Variants in OR8B2 observed in about 807,000 individuals in gnomAD.
OR8B2 encodes the protein olfactory receptor 8B2.
For synonymous variants in OR8B2, 98 were observed against 138.2 expected (o/e 0.71, Z 2.04); for missense variants, 304 against 379.6 (o/e 0.80, Z 1.65).
Position 124,383,216 on chromosome 11 carries a change from A to C in OR8B2, c.128T>G (p.Leu43Arg). The part of the protein sequence containing the change: ...VIYIVTMVGN[L>R]GLITLFGLNS... ...TAGACCGAAAAGAGTGATCAAGCCA[A>C]GGTTGCCTACCATGGTGACAATGTA... is the stretch of plus-strand genomic sequence containing the variant. Residue 43 changes from leucine (L) to arginine (R), a missense_variant, in exon 2 of 2, where the codon CTT becomes CGT. Coordinates refer to ENST00000641451, the MANE Select transcript of OR8B2 (RefSeq NM_001005468.2). 6.2e-7 allele frequency: 1 copy of C among 1,614,000 alleles called. No individual in the cohort carries two copies. The highest frequency in any genetic ancestry group is 1.1e-5 in the South Asian group (1 of 91,070).
At chr11:124,386,946 C>T (rs1482507119), upstream of OR8B2, among the ~76,000 whole-genome samples, 31 of 152,286 alleles carry the variant, frequency 2.0e-4, no homozygotes, top group Non-Finnish European at 4.1e-4. Flanking sequence ...TAATGATTGC[C>T]GTTTTAACTG....
the OR8B2 span, among the ~76,000 whole-genome samples, chr11:124,391,000 T>C: frequency 6.6e-6 from 1 of 152,172 alleles, no homozygotes; most frequent in South Asian, 2.1e-4. Flanking sequence ...GCCTTTTCTT[T>C]CTCAATGGAA....
the OR8B2 span, among the ~76,000 whole-genome samples, chr11:124,393,503 C>T: frequency 8.2e-6 from 1 of 121,564 alleles, no homozygotes; most frequent in Non-Finnish European, 1.6e-5. Context: ...CCAAAAAACA[C>T]ATGAAAAAAC....
At chr11:124,388,828 T>C (rs1860739660), upstream of OR8B2, among the ~76,000 whole-genome samples, 1 of 119,518 alleles carries the variant, frequency 8.4e-6, no homozygotes, top group Non-Finnish European at 1.7e-5. Flanking sequence ...TGTGAAATTC[T>C]TTTTTTTTTT....
upstream of OR8B2, among the ~76,000 whole-genome samples, chr11:124,386,227 T>C (rs1022814638): frequency 6.6e-6 from 1 of 151,890 alleles, no homozygotes; most frequent in African/African-American, 2.4e-5. Flanking sequence ...TATTTATTTA[T>C]TTTTTTCCCT....
chr11:124,385,818 A>G (rs144145332), upstream of OR8B2, among the ~76,000 whole-genome samples: 3 of 151,778 alleles, frequency 2.0e-5, no homozygotes, highest in Non-Finnish European at 2.9e-5. Context: ...TTTTGTAGGG[A>G]TAGGGGGTCT....
At chr11:124,394,105 T>G in the OR8B2 span, among the ~76,000 whole-genome samples, 1 of 79,446 alleles carries the variant, frequency 1.3e-5, no homozygotes, top group Non-Finnish European at 2.2e-5. Context: ...GGGACTGTTG[T>G]GGGGTGGGGG....
the OR8B2 span, chr11:124,396,227 T>A: frequency 1.7e-6 from 1 of 582,402 alleles, no homozygotes; most frequent in Non-Finnish European, 3.0e-6. Flanking sequence ...TTTAGTAAAA[T>A]TGTGAGAAGT....
At chr11:124,396,288 T>A in the OR8B2 span, 126 of 897,694 alleles carry the variant, frequency 1.4e-4, no homozygotes, top group Non-Finnish European at 1.9e-4. Context: ...ATAAGAGAAA[T>A]GATAAGACAA....
chr11:124,386,146 A>T (rs1411472571), upstream of OR8B2, among the ~76,000 whole-genome samples: 1 of 150,506 alleles, frequency 6.6e-6, no homozygotes, highest in African/African-American at 2.5e-5. Flanking sequence ...CTAATTTCCA[A>T]AATCTGGGAG....
chr11:124,388,324 C>T (rs577599060), upstream of OR8B2, among the ~76,000 whole-genome samples: 3 of 151,512 alleles, frequency 2.0e-5, no homozygotes, highest in South Asian at 6.3e-4. Flanking sequence ...GAGATGGCAT[C>T]CCTGTCTTGT....
the OR8B2 span, among the ~76,000 whole-genome samples, chr11:124,389,941 A>G: frequency 2.6e-5 from 4 of 152,092 alleles, no homozygotes; most frequent in African/African-American, 9.7e-5. Flanking sequence ...AGAAAATATG[A>G]AGACTAATAA....
upstream of OR8B2, among the ~76,000 whole-genome samples, chr11:124,386,689 G>T (rs1313201931): frequency 2.0e-5 from 3 of 151,930 alleles, no homozygotes; most frequent in South Asian, 6.3e-4. Context: ...CCAAGTCTTT[G>T]CTATTGTGAA....
At chr11:124,391,833 C>A in the OR8B2 span, among the ~76,000 whole-genome samples, 1 of 151,512 alleles carries the variant, frequency 6.6e-6, no homozygotes, top group Admixed American at 6.6e-5. Flanking sequence ...AGACCAATAT[C>A]CTTGATGAAC....
the OR8B2 span, among the ~76,000 whole-genome samples, chr11:124,394,035 G>C: frequency 0.4 from 58,933 of 145,772 alleles, 13,152 homozygotes; most frequent in African/African-American, 0.63. Flanking sequence ...TATTCTCACT[G>C]ATAGATGGCA....
At chr11:124,389,589 G>T in the OR8B2 span, among the ~76,000 whole-genome samples, 1 of 152,094 alleles carries the variant, frequency 6.6e-6, no homozygotes, top group Non-Finnish European at 1.5e-5. Context: ...TTTTGAAAAG[G>T]AGCCCCCCAG....
At chr11:124,385,216 A>T (rs185123112), upstream of OR8B2, among the ~76,000 whole-genome samples, 6 of 152,304 alleles carry the variant, frequency 3.9e-5, no homozygotes, top group East Asian at 1.2e-3. Flanking sequence ...ATCACTAATC[A>T]TGTGCCCTCA....
the OR8B2 span, among the ~76,000 whole-genome samples, chr11:124,391,303 T>G: frequency 6.6e-6 from 1 of 151,694 alleles, no homozygotes; most frequent in African/African-American, 2.4e-5. Flanking sequence ...AAAAAACCCT[T>G]CTAAAAATTA....
chr11:124,394,218 A>G, the OR8B2 span, among the ~76,000 whole-genome samples: 1 of 151,550 alleles, frequency 6.6e-6, no homozygotes, highest in African/African-American at 2.4e-5. Context: ...TAACCTACAC[A>G]TTGTGCACAT....
Sources: gnomAD v4.1 joint callset for allele counts (sites outside exome capture counted in the v4.1 genomes callset) on GRCh38, gnomAD v4.1.1 for gene constraint, MANE v1.5 for transcripts, NCBI Gene and HGNC (gene_info 2026-07-23, HGNC 2026-07-21) for gene names.